Variants in ADAM12 observed in about 807,000 individuals in gnomAD.
ADAM12 encodes disintegrin and metalloproteinase domain-containing protein 12.
In ADAM12, 70 loss-of-function variants were observed where a neutral mutation model predicts 106.4. That is an observed-to-expected ratio of 0.66 (90% confidence interval 0.54 to 0.80). The LOEUF is 0.80. Among genes scored for constraint, ADAM12 ranks in the 30% least tolerant of loss-of-function variants. The probability of loss-of-function intolerance (pLI) is 0.00; values close to 1 mark genes in which losing one functional copy is unlikely to be tolerated. For synonymous variants in ADAM12, 420 were observed against 433.5 expected (o/e 0.97, Z 0.39); for missense variants, 1,010 against 1,171.9 (o/e 0.86, Z 2.02).
chr10:126,282,275 C>T (rs1032596556), intron 2 of ADAM12, among the ~76,000 whole-genome samples: 2 of 152,094 alleles, frequency 1.3e-5, no homozygotes, highest in African/African-American at 4.8e-5. Flanking sequence ...ACCTTAATTG[C>T]CTTTTTAAAG....
chr10:126,300,591 A>C (rs1364169274), intron 2 of ADAM12, among the ~76,000 whole-genome samples: 4 of 152,206 alleles, frequency 2.6e-5, no homozygotes. Context: ...CGGTTTTGTT[A>C]AATGAAAGTA....
intron 3 of ADAM12, among the ~76,000 whole-genome samples, chr10:126,182,199 C>T (rs945909251): frequency 6.6e-6 from 1 of 152,054 alleles, no homozygotes; most frequent in Admixed American, 6.6e-5. Flanking sequence ...GAATTATATA[C>T]CAAAAACATG....
intron 9 of ADAM12, 36 bp downstream of exon 9, chr10:126,101,036 C>CTTTT: frequency 7.6e-7 from 1 of 1,309,470 alleles, no homozygotes; most frequent in Non-Finnish European, 1.0e-6. Context: ...GAGAGCACTC[C>CTTTT]TTTTTTTTTT....
intron 18 of ADAM12, 72 bp downstream of exon 18, chr10:126,042,968 C>T (rs935344721): frequency 2.1e-6 from 3 of 1,448,552 alleles, no homozygotes; most frequent in East Asian, 2.4e-5. Flanking sequence ...TGCACCCATG[C>T]TGACAGCTGG....
intron 3 of ADAM12, among the ~76,000 whole-genome samples, chr10:126,210,453 A>G (rs1957879142): frequency 1.3e-5 from 2 of 152,190 alleles, no homozygotes; most frequent in Admixed American, 1.3e-4. Context: ...GGAGGAGGCA[A>G]TGACCACACA....
intron 8 of ADAM12, among the ~76,000 whole-genome samples, chr10:126,102,471 C>G (rs947950912): frequency 3.9e-5 from 6 of 152,178 alleles, no homozygotes; most frequent in Non-Finnish European, 5.9e-5. Context: ...GGCACCATTC[C>G]AACATGGTGA....
chr10:126,042,024 A>C (rs925565966), intron 18 of ADAM12: 112 of 1,476,460 alleles, frequency 7.6e-5, no homozygotes, highest in Non-Finnish European at 9.8e-5. Context: ...GTTGTCATGG[A>C]AACGATGGCA....
intron 3 of ADAM12, among the ~76,000 whole-genome samples, chr10:126,163,546 C>G (rs7077301): frequency 1.3e-5 from 2 of 151,958 alleles, no homozygotes; most frequent in South Asian, 4.1e-4. Flanking sequence ...AAATTGCTTT[C>G]AGATCAATAT....
At chr10:126,230,003 G>T (rs1958278393) in intron 3 of ADAM12, among the ~76,000 whole-genome samples, 1 of 152,110 alleles carries the variant, frequency 6.6e-6, no homozygotes. Context: ...CCTTGGCTTG[G>T]CCAATTCCTA....
intron 11 of ADAM12, among the ~76,000 whole-genome samples, chr10:126,080,980 A>G (rs2133526857): frequency 6.6e-6 from 1 of 152,330 alleles, no homozygotes; most frequent in East Asian, 1.9e-4. Flanking sequence ...CAACCTCGAC[A>G]GTAGAAGTCG....
intron 3 of ADAM12, among the ~76,000 whole-genome samples, chr10:126,159,332 G>T (rs1346354913): frequency 2.1e-5 from 2 of 97,226 alleles, no homozygotes; most frequent in African/African-American, 3.6e-5. Context: ...AAAAAAAAAA[G>T]GAGCACACTT....
At chr10:126,143,041 T>C (rs1267889529) in intron 4 of ADAM12, among the ~76,000 whole-genome samples, 4 of 134,058 alleles carry the variant, frequency 3.0e-5, no homozygotes, top group African/African-American at 1.1e-4. Context: ...TATATATGTA[T>C]GTGTGTATAT....
intron 4 of ADAM12, among the ~76,000 whole-genome samples, chr10:126,146,491 G>A (rs1192700493): frequency 6.6e-6 from 1 of 152,134 alleles, no homozygotes; most frequent in Non-Finnish European, 1.5e-5. Context: ...CTTTTTCATG[G>A]TCCAGGACAC....
intron 10 of ADAM12, among the ~76,000 whole-genome samples, chr10:126,094,420 A>T (rs1172412962): frequency 6.6e-6 from 1 of 152,166 alleles, no homozygotes; most frequent in African/African-American, 2.4e-5. Context: ...CAGGGTCTCC[A>T]TTCTGCTTCC....
intron 3 of ADAM12, among the ~76,000 whole-genome samples, chr10:126,230,235 G>A (rs1163790128): frequency 2.0e-5 from 3 of 152,100 alleles, no homozygotes; most frequent in Admixed American, 1.3e-4. Flanking sequence ...ACTCGTAGAG[G>A]GGTCAGGGAC....
At chr10:126,114,530 A>T (rs2133612495) in intron 6 of ADAM12, among the ~76,000 whole-genome samples, 1 of 152,324 alleles carries the variant, frequency 6.6e-6, no homozygotes, top group Non-Finnish European at 1.5e-5. Context: ...CCCAGGCTAG[A>T]GTGCAATGGC....
intron 2 of ADAM12, among the ~76,000 whole-genome samples, chr10:126,320,814 G>GA (rs1460890216): frequency 6.6e-6 from 1 of 151,892 alleles, no homozygotes; most frequent in Non-Finnish European, 1.5e-5. Context: ...GGCTTAAAAA[G>GA]AAAAAAATAT....
chr10:126,219,452 A>T (rs1488051540), intron 3 of ADAM12, among the ~76,000 whole-genome samples: 1 of 152,090 alleles, frequency 6.6e-6, no homozygotes, highest in Non-Finnish European at 1.5e-5. Flanking sequence ...CGACACAGAC[A>T]TCAGTGGTCT....
chr10:126,291,387 T>C (rs1323918873), intron 2 of ADAM12, among the ~76,000 whole-genome samples: 2 of 152,254 alleles, frequency 1.3e-5, no homozygotes, highest in African/African-American at 4.8e-5. Flanking sequence ...CAAGTCACTA[T>C]GTACTGAGGC....
Sources: gnomAD v4.1 joint callset for allele counts (sites outside exome capture counted in the v4.1 genomes callset) on GRCh38, gnomAD v4.1.1 for gene constraint, MANE v1.5 for transcripts, NCBI Gene and HGNC (gene_info 2026-07-23, HGNC 2026-07-21) for gene names.